Variants in LRRC75A observed in about 807,000 individuals in gnomAD.
LRRC75A encodes leucine rich repeat containing 75A.
In LRRC75A, 12 loss-of-function variants were observed where a neutral mutation model predicts 26.0. That is an observed-to-expected ratio of 0.46 (90% CI 0.30 to 0.75). The LOEUF (loss-of-function observed/expected upper bound fraction) is 0.75, where lower values mean the gene tolerates loss of function less well. Among genes scored for constraint, LRRC75A ranks in the 30% least tolerant of loss-of-function variants. The pLI, the probability that LRRC75A is intolerant of heterozygous loss-of-function variation, is 0.08. For synonymous variants in LRRC75A, 223 were observed against 219.3 expected (o/e 1.02, Z -0.15); for missense variants, 410 against 486.6 (o/e 0.84, Z 1.48).
intron 1 of LRRC75A, among the ~76,000 whole-genome samples, chr17:16,489,178 C>T (rs538660566): frequency 7.9e-5 from 12 of 152,278 alleles, no homozygotes; most frequent in Admixed American, 5.9e-4. Context: ...CAAAGGCTCC[C>T]GAGTCCCCAC....
At chr17:16,473,328 A>T (rs376338378) in intron 1 of LRRC75A, among the ~76,000 whole-genome samples, 11 of 152,246 alleles carry the variant, frequency 7.2e-5, no homozygotes, top group African/African-American at 2.4e-4. Flanking sequence ...AAAAGTAATA[A>T]AAGCAACTGC....
intron 1 of LRRC75A, among the ~76,000 whole-genome samples, chr17:16,465,887 T>C (rs1173011767): frequency 1.3e-5 from 2 of 151,062 alleles, no homozygotes; most frequent in Non-Finnish European, 3.0e-5. Context: ...AGGAGGAGGG[T>C]CTCCTAGAAA....
At chr17:16,457,564 C>T (rs2093694977) in intron 2 of LRRC75A, among the ~76,000 whole-genome samples, 1 of 152,164 alleles carries the variant, frequency 6.6e-6, no homozygotes, top group East Asian at 1.9e-4. Flanking sequence ...GCATCTGTGC[C>T]CCTGTGTAAT....
chr17:16,481,066 C>T (rs2093832850), intron 1 of LRRC75A, among the ~76,000 whole-genome samples: 1 of 152,224 alleles, frequency 6.6e-6, no homozygotes. Context: ...AGCCGTGGAA[C>T]CCCTCCTGCT....
At chr17:16,446,404 G>C (rs893211602) in intron 3 of LRRC75A, among the ~76,000 whole-genome samples, 12 of 152,146 alleles carry the variant, frequency 7.9e-5, no homozygotes, top group African/African-American at 2.9e-4. Flanking sequence ...AGAAGGTAGC[G>C]TGTGGACTGA....
chr17:16,462,791 T>TAA lies in LRRC75A; in HGVS notation c.247-406_247-405insTT. Reference sequence around the variant, plus strand: ...TGGTTTAATGATATTTATTTGTGTTTTCTTCCTGCTTCTGACGTTGTTTTT... The same window carrying TAA: ...TGGTTTAATGATATTTATTTGTGTTTAATCTTCCTGCTTCTGACGTTGTTTTT... On this transcript the variant is annotated intron_variant, in intron 1 of 3. Transcript: ENST00000470794. The surrounding 1 kb of genome is among the most constrained non-coding windows in gnomAD (Gnocchi z 4.6). The TAA allele has an allele frequency of 5.5e-6, 1 of 182,714 alleles. No individual in the cohort carries two copies. The highest frequency in any genetic ancestry group is 1.2e-4 in the South Asian group (1 of 8,616). 11.3% of individuals were successfully genotyped at this position (182,714 alleles called of 1,614,324 possible).
intron 1 of LRRC75A, among the ~76,000 whole-genome samples, chr17:16,485,955 G>A (rs1006670910): frequency 6.6e-5 from 10 of 152,144 alleles, no homozygotes; most frequent in South Asian, 2.1e-4. Context: ...AGGTTACAGC[G>A]GGGTGGGGGA....
At position 16,444,392 on chromosome 17, in the gene LRRC75A, A is replaced by G. The variant is rs558529167; in HGVS notation, c.492-261T>C. ...CCCTATTTACCAGAAAAATTGAGTT[A>G]AGAGTACCATTGGGCTGATATATGG... On this transcript the variant is annotated intron_variant, in intron 3 of 3. Transcript: ENST00000470794. Among the ~76,000 whole-genome samples the G allele has an allele frequency of 2.6e-5, 4 of 152,288 alleles. No individual in the cohort carries two copies. In the South Asian group the frequency reaches 8.3e-4, roughly 32 times the overall value.
At chr17:16,465,464 A>G in intron 1 of LRRC75A, among the ~76,000 whole-genome samples, 1 of 152,212 alleles carries the variant, frequency 6.6e-6, no homozygotes, top group Non-Finnish European at 1.5e-5. Flanking sequence ...GAGAGAGGTG[A>G]GAGGAACCAG....
intron 2 of LRRC75A, among the ~76,000 whole-genome samples, chr17:16,450,505 TATCACA>T: frequency 6.6e-6 from 1 of 151,296 alleles, no homozygotes; most frequent in Non-Finnish European, 1.5e-5. Flanking sequence ...CTTGCACCTG[TATCACA>T]CCTGTGTGTT....
At chr17:16,453,312 G>GCA (rs1491360189) in intron 2 of LRRC75A, among the ~76,000 whole-genome samples, 4 of 64,916 alleles carry the variant, frequency 6.2e-5, no homozygotes, top group East Asian at 2.3e-4. Flanking sequence ...ACACACACAC[G>GCA]CACACACGCA....
Position 16,487,957 on chromosome 17 carries a change from G to A in LRRC75A, c.246+3788C>T, listed in dbSNP as rs74348206. On this transcript the variant is annotated intron_variant, in intron 1 of 3. Coordinates refer to ENST00000470794, the MANE Select transcript of LRRC75A (RefSeq NM_001113567.3). The stretch of plus-strand genomic sequence containing the variant: ...CCTCTTCTCATGGGAAAGCTGGGGT[G>A]CTGGTGAACACGAAGACAGGGGCTA... Among the ~76,000 whole-genome samples the A allele has an allele frequency of 9.0e-3, 1,375 of 152,346 alleles. 11 individuals carry two copies. The highest frequency in any genetic ancestry group is 0.014 in the Non-Finnish European group (955 of 68,024).
chr17:16,448,322 C>T (rs1468993675), intron 2 of LRRC75A: 2 of 293,796 alleles, frequency 6.8e-6, no homozygotes, highest in Non-Finnish European at 1.3e-5. Flanking sequence ...TTCTCTTGCT[C>T]AGCAGATTTA....
At chr17:16,453,867 G>A (rs1420382047) in intron 2 of LRRC75A, among the ~76,000 whole-genome samples, 1 of 152,062 alleles carries the variant, frequency 6.6e-6, no homozygotes, top group Non-Finnish European at 1.5e-5. Context: ...AGGTCACAGA[G>A]ACCAGAACCC....
intron 1 of LRRC75A, among the ~76,000 whole-genome samples, chr17:16,487,778 G>A (rs1285637848): frequency 6.6e-6 from 1 of 152,196 alleles, no homozygotes; most frequent in Non-Finnish European, 1.5e-5. Flanking sequence ...CCTGTTCCCA[G>A]GTGCAGAGTG....
At chr17:16,454,639 C>T (rs1468966233) in intron 2 of LRRC75A, among the ~76,000 whole-genome samples, 1 of 151,822 alleles carries the variant, frequency 6.6e-6, no homozygotes, top group Non-Finnish European at 1.5e-5. Flanking sequence ...TGAGGTGGGC[C>T]GAGATCACGC....
At chr17:16,456,233 G>C (rs2093679959) in intron 2 of LRRC75A, among the ~76,000 whole-genome samples, 1 of 110,194 alleles carries the variant, frequency 9.1e-6, no homozygotes, top group Non-Finnish European at 1.9e-5. Context: ...AAGAAGAGGA[G>C]AAAGGAGGAG....
At chr17:16,475,661 G>A (rs763742152) in intron 1 of LRRC75A, among the ~76,000 whole-genome samples, 3 of 152,052 alleles carry the variant, frequency 2.0e-5, no homozygotes, top group Non-Finnish European at 2.9e-5. Flanking sequence ...CTGTAGTCCC[G>A]CTATTTGGGA....
intron 2 of LRRC75A, among the ~76,000 whole-genome samples, chr17:16,458,997 A>C (rs2093706932): frequency 6.6e-6 from 1 of 152,242 alleles, no homozygotes; most frequent in Non-Finnish European, 1.5e-5. Context: ...TGCCTCTGGC[A>C]ATACAGCTTG....
Sources: gnomAD v4.1 joint callset for allele counts (sites outside exome capture counted in the v4.1 genomes callset) on GRCh38, gnomAD v4.1.1 for gene constraint, Gnocchi (gnomAD v3.1) non-coding constraint, MANE v1.5 for transcripts, NCBI Gene and HGNC (gene_info 2026-07-23, HGNC 2026-07-21) for gene names.